The following SMG7 variants were observed in gnomAD, a reference collection of about 807,000 sequenced individuals.
SMG7 encodes SMG7 nonsense mediated mRNA decay factor, also known as nonsense-mediated mRNA decay factor SMG7.
Under a neutral mutation model 148.2 loss-of-function variants are expected in SMG7, and 34 were observed. That is an observed-to-expected ratio of 0.23 (90% CI 0.17 to 0.31). SMG7 has a LOEUF of 0.31. SMG7 is among the 10% of genes least tolerant of loss of function. SMG7 has a pLI of 1.00. For missense variants in SMG7, 1,114 were observed against 1,408.4 expected (o/e 0.79, Z 3.35); for synonymous variants, 492 against 515.1 (o/e 0.96, Z 0.61).
chr1:183,478,302 A>C (rs768819640), intron 1 of SMG7, among the ~76,000 whole-genome samples: 3 of 152,182 alleles, frequency 2.0e-5, no homozygotes, highest in Non-Finnish European at 4.4e-5. Context: ...CATGCTTTAC[A>C]GAATGTAAAG....
chr1:183,526,592 T>C lies in SMG7; in HGVS notation c.313-4T>C. On this transcript the variant is annotated splice_polypyrimidine_tract_variant and splice_region_variant and intron_variant, in intron 4 of 22. Transcript: ENST00000688051. ...CTACTAAATTTTGTTTGTTTTTCTT[T>C]TAGTTATTACAAGAACTGTGTACAG... The C allele has an allele frequency of 6.3e-7, 1 of 1,590,588 alleles. No individual in the cohort carries two copies. Among genetic ancestry groups the C allele is most frequent in the Non-Finnish European group, 8.6e-7 (1 of 1,168,196 alleles).
At chr1:183,525,148 A>G (rs1665581847) in intron 4 of SMG7, among the ~76,000 whole-genome samples, 1 of 152,206 alleles carries the variant, frequency 6.6e-6, no homozygotes. Flanking sequence ...GGGGCAAGAA[A>G]TAAGCCCTTG....
At chr1:183,472,922 T>G in intron 1 of SMG7, 1 of 379,044 alleles carries the variant, frequency 2.6e-6, no homozygotes, top group Non-Finnish European at 4.7e-6. Flanking sequence ...GCGCGCGCCC[T>G]TGGTCTCGGG....
At chr1:183,505,550 T>A (rs1004599517) in intron 1 of SMG7, among the ~76,000 whole-genome samples, 1 of 152,260 alleles carries the variant, frequency 6.6e-6, no homozygotes, top group African/African-American at 2.4e-5. Context: ...GCCATCAATG[T>A]ACTGATCACG....
intron 1 of SMG7, among the ~76,000 whole-genome samples, chr1:183,503,680 A>C (rs577590394): frequency 3.3e-5 from 5 of 152,330 alleles, no homozygotes; most frequent in Admixed American, 3.3e-4. Flanking sequence ...TAACCAGATT[A>C]GCAAAAGTAA....
chr1:183,525,977 T>C (rs1317816001), intron 4 of SMG7, among the ~76,000 whole-genome samples: 2 of 152,072 alleles, frequency 1.3e-5, no homozygotes, highest in African/African-American at 4.8e-5. Flanking sequence ...CTTTGCTTGC[T>C]TAATGTGTCT....
intron 22 of SMG7, among the ~76,000 whole-genome samples, 162 bp downstream of exon 22, chr1:183,551,352 G>T (rs1671022298): frequency 6.6e-6 from 1 of 152,180 alleles, no homozygotes; most frequent in Admixed American, 6.5e-5. Context: ...CAAGATTCTT[G>T]AGTGATAATT....
At chr1:183,489,356 G>C (rs914689678) in intron 1 of SMG7, among the ~76,000 whole-genome samples, 7 of 151,988 alleles carry the variant, frequency 4.6e-5, no homozygotes, top group Admixed American at 3.3e-4. Context: ...ACTTTGTGAA[G>C]GGCAAGTGTG....
intron 1 of SMG7, among the ~76,000 whole-genome samples, chr1:183,495,845 G>A (rs1169423691): frequency 6.6e-6 from 1 of 151,778 alleles, no homozygotes; most frequent in African/African-American, 2.4e-5. Context: ...TCCAGCCTAG[G>A]TGACGAGCAA....
chr1:183,550,135 C>A, intron 20 of SMG7: 1 of 488,750 alleles, frequency 2.0e-6, no homozygotes, highest in Non-Finnish European at 3.6e-6. Flanking sequence ...TTTTTACATC[C>A]TCAGTAGCCA....
chr1:183,493,915 T>C (rs1203448978), intron 1 of SMG7, among the ~76,000 whole-genome samples: 3 of 152,324 alleles, frequency 2.0e-5, no homozygotes, highest in East Asian at 1.9e-4. Context: ...TTGTTAGTTA[T>C]TGAGAGAGTT....
At position 183,553,095 on chromosome 1, in the gene SMG7, C is replaced by T. The variant is rs1387063369; in HGVS notation, c.*1164C>T. The T allele has an allele frequency of 2.6e-6, 4 of 1,536,166 alleles. No homozygotes were observed. The highest frequency in any genetic ancestry group is 4.9e-5 in the East Asian group (2 of 40,936). On this transcript the variant is annotated 3_prime_UTR_variant, in exon 23 of 23. Coordinates refer to ENST00000688051, the MANE Select transcript of SMG7 (RefSeq NM_001375584.1). ...CCCCTGCCCAGCTGCAGTCTCCCAG[C>T]CTCCACTTTCAGAGTGAAATTCAAG...
At position 183,512,083 on chromosome 1, in the gene SMG7, AGGGGAACGTG is replaced by A. The variant is rs1662275375; in HGVS notation, c.30-750_30-741del. ...AGGGGAAAAAAGAGGCAGCAGCTAG[AGGGGAACGTG>A]GGGCAGAAGGTTTTTAAAATGTGTG... On this transcript the variant is annotated intron_variant, in intron 1 of 22. Coordinates refer to ENST00000688051, the MANE Select transcript of SMG7 (RefSeq NM_001375584.1). Among the ~76,000 whole-genome samples the A allele has an allele frequency of 1.3e-5, 2 of 152,178 alleles. 1 individual carries two copies. The highest frequency in any genetic ancestry group is 4.1e-4 in the South Asian group (2 of 4,836).
chr1:183,521,305 G>T (rs1337839352), intron 4 of SMG7, among the ~76,000 whole-genome samples: 1 of 152,056 alleles, frequency 6.6e-6, no homozygotes, highest in Non-Finnish European at 1.5e-5. Flanking sequence ...CGCCATGTTG[G>T]CCAGGCTGGT....
chr1:183,512,828 T>TTTTTTTTG lies in SMG7; in HGVS notation c.30-9_30-8insTTTTTTTG, dbSNP rs1662468730. On this transcript the variant is annotated splice_polypyrimidine_tract_variant and intron_variant, in intron 1 of 22. Transcript: ENST00000688051. ...ATACTCTTTTTTTTTTTTTTTTTTT[T>TTTTTTTTG]CTATCTAGGCAGGCAGAAGTCCTGA... is the stretch of plus-strand genomic sequence containing the variant. 1 of 1,571,100 alleles carries TTTTTTTTG rather than the reference T, an allele frequency of 6.4e-7. No homozygotes were observed. The highest frequency in any genetic ancestry group is 1.4e-5 in the African/African-American group (1 of 70,694).
chr1:183,485,477 C>T (rs981036135), intron 1 of SMG7, among the ~76,000 whole-genome samples: 4 of 152,152 alleles, frequency 2.6e-5, no homozygotes, highest in Admixed American at 6.5e-5. Flanking sequence ...ATTGCTTTAT[C>T]TTACTGACTA....
intron 18 of SMG7, among the ~76,000 whole-genome samples, chr1:183,547,664 AT>A (rs545973536): frequency 7.3e-5 from 11 of 150,028 alleles, no homozygotes; most frequent in Non-Finnish European, 8.9e-5. Context: ...TATGTTCTTG[AT>A]TTTTTTTTTG....
At chr1:183,533,574 C>T (rs889052296) in intron 9 of SMG7, 102 bp from the exon 10 acceptor site, 2 of 1,033,392 alleles carry the variant, frequency 1.9e-6, no homozygotes, top group African/African-American at 3.2e-5. Context: ...CTGTAAGATA[C>T]TCAAGTGTTA....
chr1:183,529,203 A>C (rs1296941362), intron 7 of SMG7, among the ~76,000 whole-genome samples, 161 bp downstream of exon 7: 3 of 152,198 alleles, frequency 2.0e-5, no homozygotes, highest in Non-Finnish European at 4.4e-5. Context: ...AATTTCATCC[A>C]ATCAATATCT....
Sources: gnomAD v4.1 joint callset for allele counts (sites outside exome capture counted in the v4.1 genomes callset) on GRCh38, gnomAD v4.1.1 for gene constraint, MANE v1.5 for transcripts, NCBI Gene and HGNC (gene_info 2026-07-23, HGNC 2026-07-21) for gene names.